Variants in CRB1 observed in about 807,000 individuals in gnomAD.
CRB1 encodes crumbs cell polarity complex component 1, also known as protein crumbs homolog 1.
Under a neutral mutation model 120.0 loss-of-function variants are expected in CRB1, and 83 were observed. The ratio of observed to expected loss-of-function variants is 0.69; its 90% confidence interval spans 0.58 to 0.83. CRB1 has a LOEUF of 0.83. Ranked by LOEUF, CRB1 falls within the 40% of genes least tolerant of loss-of-function variation. The pLI is 0.00. For missense variants in CRB1, 1,699 were observed against 1,687.6 expected (o/e 1.01, Z -0.12); for synonymous variants, 625 against 612.5 (o/e 1.02, Z -0.30).
chr1:197,300,778 T>C (rs1385816172), intron 1 of CRB1, among the ~76,000 whole-genome samples: 1 of 152,192 alleles, frequency 6.6e-6, no homozygotes, highest in African/African-American at 2.4e-5. Flanking sequence ...TAGAAAGAAG[T>C]TGATGCCTGG....
chr1:197,260,108 G>A, the CRB1 span, among the ~76,000 whole-genome samples: 6 of 151,752 alleles, frequency 4.0e-5, no homozygotes, highest in Non-Finnish European at 7.4e-5. Context: ...CTGAGATTGC[G>A]CTACTGCCTG....
chr1:197,263,773 G>T, upstream of CRB1, among the ~76,000 whole-genome samples: 1 of 150,906 alleles, frequency 6.6e-6, no homozygotes, highest in African/African-American at 2.4e-5. Context: ...ATCTCACATT[G>T]ATCTATTCTA....
chr1:197,432,054 C>T (rs1181116145), intron 8 of CRB1, among the ~76,000 whole-genome samples: 2 of 151,874 alleles, frequency 1.3e-5, no homozygotes, highest in Non-Finnish European at 2.9e-5. Context: ...TGTATCGTAC[C>T]AAGATTTAAA....
chr1:197,395,906 T>C (rs1283682741), intron 5 of CRB1, among the ~76,000 whole-genome samples: 1 of 152,182 alleles, frequency 6.6e-6, no homozygotes, highest in Non-Finnish European at 1.5e-5. Context: ...GGTGAAAGAC[T>C]GAATGCTTTT....
intron 5 of CRB1, among the ~76,000 whole-genome samples, chr1:197,396,881 G>C (rs1022318213): frequency 5.9e-5 from 9 of 151,938 alleles, no homozygotes; most frequent in Admixed American, 2.6e-4. Flanking sequence ...GGGATCTTGG[G>C]CTCAGCAAAG....
intron 6 of CRB1, among the ~76,000 whole-genome samples, chr1:197,426,145 G>A (rs986335833): frequency 2.6e-5 from 4 of 151,754 alleles, no homozygotes; most frequent in South Asian, 2.1e-4. Context: ...AGTTGCTTAG[G>A]CCCAAAGCCT....
intron 1 of CRB1, among the ~76,000 whole-genome samples, chr1:197,273,822 A>G (rs1313318444): frequency 6.6e-6 from 1 of 151,942 alleles, no homozygotes; most frequent in Non-Finnish European, 1.5e-5. Flanking sequence ...TCCCTTTCAG[A>G]CTGATCTTGT....
the CRB1 span, among the ~76,000 whole-genome samples, chr1:197,207,485 T>A: frequency 6.3e-3 from 957 of 152,220 alleles, 13 homozygotes; most frequent in African/African-American, 0.022. Flanking sequence ...ACCTTAGTTT[T>A]GCTGGATACA....
At chr1:197,229,310 G>A in the CRB1 span, among the ~76,000 whole-genome samples, 3 of 152,130 alleles carry the variant, frequency 2.0e-5, no homozygotes, top group Admixed American at 6.5e-5. Flanking sequence ...TGATATGATA[G>A]TAAAGAATAA....
At chr1:197,438,397 C>A in intron 9 of CRB1, 150 bp from the exon 10 acceptor site, 2 of 898,436 alleles carry the variant, frequency 2.2e-6, no homozygotes, top group Non-Finnish European at 1.7e-6. Flanking sequence ...GTGATTCTTG[C>A]ATAATGCAGC....
At chr1:197,340,883 T>C (rs1659413251) in intron 2 of CRB1, among the ~76,000 whole-genome samples, 1 of 152,064 alleles carries the variant, frequency 6.6e-6, no homozygotes, top group African/African-American at 2.4e-5. Flanking sequence ...GGTGATTTAT[T>C]TAGGAAAAAG....
chr1:197,447,999 C>T (rs1442336476), intron 11 of CRB1, among the ~76,000 whole-genome samples: 4 of 151,958 alleles, frequency 2.6e-5, no homozygotes, highest in African/African-American at 9.7e-5. Flanking sequence ...ATAGATTTTT[C>T]AATTTTAAAT....
At chr1:197,458,359 CTTT>C (rs201446408) in intron 11 of CRB1, among the ~76,000 whole-genome samples, 1 of 151,354 alleles carries the variant, frequency 6.6e-6, no homozygotes, top group African/African-American at 2.4e-5. Flanking sequence ...TAAAGCTTAT[CTTT>C]TTTTTTACAA....
At chr1:197,277,888 G>T (rs931960440) in intron 1 of CRB1, among the ~76,000 whole-genome samples, 1 of 151,730 alleles carries the variant, frequency 6.6e-6, no homozygotes, top group South Asian at 2.1e-4. Context: ...CTAGGTAATC[G>T]AATCATAGAC....
intron 5 of CRB1, among the ~76,000 whole-genome samples, chr1:197,406,960 G>C (rs1489598375): frequency 6.6e-6 from 1 of 152,206 alleles, no homozygotes; most frequent in Non-Finnish European, 1.5e-5. Context: ...CATGGCTCCT[G>C]TAGGATCACA....
intron 5 of CRB1, among the ~76,000 whole-genome samples, chr1:197,403,749 A>G (rs1663186828): frequency 6.6e-6 from 1 of 151,994 alleles, no homozygotes; most frequent in South Asian, 2.1e-4. Flanking sequence ...CTACAATCTG[A>G]TGTTGAAAGG....
chr1:197,275,892 C>T (rs1353726003), intron 1 of CRB1, among the ~76,000 whole-genome samples: 1 of 151,322 alleles, frequency 6.6e-6, no homozygotes, highest in East Asian at 1.9e-4. Context: ...AAAATGTCAT[C>T]TTTTATTTTA....
chr1:197,436,639 A>G lies in CRB1; in HGVS notation c.3749+1027A>G, dbSNP rs549192573. Among the ~76,000 whole-genome samples, 8 of 152,314 alleles carry G rather than the reference A, an allele frequency of 5.3e-5. No individual in the cohort carries two copies. In the East Asian group the frequency reaches 1.5e-3, roughly 29 times the overall value. ...CAAGAATGAGTGAATGAATTTATTA[A>G]TAAATACAAAACTGTTTAATATCCC... On this transcript the variant is annotated intron_variant, in intron 9 of 11. Transcript: ENST00000367400.
At chr1:197,406,346 A>T (rs1375749253) in intron 5 of CRB1, among the ~76,000 whole-genome samples, 4 of 152,076 alleles carry the variant, frequency 2.6e-5, no homozygotes, top group African/African-American at 9.7e-5. Flanking sequence ...GTGGTGCAAG[A>T]TGTGCTTTGT....
Sources: allele counts gnomAD v4.1 joint callset (sites outside exome capture counted in the v4.1 genomes callset), GRCh38; gene constraint gnomAD v4.1.1; transcripts MANE v1.5; gene names NCBI Gene and HGNC (gene_info 2026-07-23, HGNC 2026-07-21).